The following PAX3 variants were observed in gnomAD, a reference collection of about 807,000 sequenced individuals.
The protein encoded by PAX3 is paired box 3, also known as paired box protein Pax-3.
In PAX3, 14 loss-of-function variants were observed where a neutral mutation model predicts 51.6. The ratio of observed to expected loss-of-function variants is 0.27; its 90% CI spans 0.18 to 0.42. PAX3 has a LOEUF of 0.42. Ranked by LOEUF, PAX3 falls within the 10% of genes least tolerant of loss-of-function variation. The probability of loss-of-function intolerance (pLI) is 1.00; values close to 1 mark genes in which losing one functional copy is unlikely to be tolerated. For missense variants in PAX3, 540 were observed against 642.8 expected, an observed-to-expected ratio of 0.84 and a Z score of 1.73; for synonymous variants, 280 against 253.4, an observed-to-expected ratio of 1.11 and a Z score of -1.00.
intron 4 of PAX3, among the ~76,000 whole-genome samples, chr2:222,284,617 G>A (rs1278194184): frequency 1.3e-3 from 4 of 3,034 alleles, no homozygotes; most frequent in African/African-American, 5.8e-3. Context: ...GTGTGCGTGT[G>A]TGTGTGTGTG....
intron 4 of PAX3, among the ~76,000 whole-genome samples, chr2:222,241,392 G>C (rs1323628572): frequency 6.6e-6 from 1 of 152,180 alleles, no homozygotes; most frequent in Non-Finnish European, 1.5e-5. Context: ...AGGAAGAAGA[G>C]ACAAATGAAC....
At chr2:222,223,396 C>T (rs1692271824) in intron 5 of PAX3, among the ~76,000 whole-genome samples, 1 of 152,146 alleles carries the variant, frequency 6.6e-6, no homozygotes, top group East Asian at 1.9e-4. Flanking sequence ...GGTAATAGAA[C>T]CATGAACAGC....
intron 5 of PAX3, among the ~76,000 whole-genome samples, chr2:222,222,720 G>A (rs1692244116): frequency 6.6e-6 from 1 of 152,084 alleles, no homozygotes; most frequent in African/African-American, 2.4e-5. Flanking sequence ...CACTGTGTTT[G>A]GGGTTGGAAG....
intron 4 of PAX3, among the ~76,000 whole-genome samples, chr2:222,272,015 T>C (rs916597813): frequency 3.9e-5 from 6 of 152,190 alleles, no homozygotes; most frequent in Non-Finnish European, 8.8e-5. Context: ...GGTTTCACTT[T>C]CTTCGCGTCA....
At chr2:222,281,996 T>C (rs1694663543) in intron 4 of PAX3, among the ~76,000 whole-genome samples, 1 of 152,206 alleles carries the variant, frequency 6.6e-6, no homozygotes, top group South Asian at 2.1e-4. Flanking sequence ...TCCTGCACAT[T>C]CCGGGCCTGG....
At chr2:222,205,130 G>C (rs1053401200) in intron 7 of PAX3, among the ~76,000 whole-genome samples, 2 of 152,100 alleles carry the variant, frequency 1.3e-5, no homozygotes, top group Non-Finnish European at 2.9e-5. Flanking sequence ...TTTGGCAGTC[G>C]CTGCGTTAGA....
In PAX3 at chr2:222,220,928, C is replaced by T. The variant is rs13353354; in HGVS notation, c.958+294G>A. Among the ~76,000 whole-genome samples, 4,715 of 152,142 alleles carry T rather than the reference C, an allele frequency of 0.031. 217 individuals are homozygous for T. Among genetic ancestry groups the T allele is most frequent in the African/African-American group, 0.1 (4,251 of 41,490 alleles). ...CAGTTAGTTGCAAACTGGAGTAAAA[C>T]GTAGAGGTAAAATTTTAACAAAAGA... On this transcript the variant is annotated intron_variant, in intron 6 of 8. Coordinates refer to ENST00000392070, the MANE Select transcript of PAX3 (RefSeq NM_181458.4).
intron 7 of PAX3, among the ~76,000 whole-genome samples, chr2:222,217,705 A>C (rs1235246813): frequency 6.6e-6 from 1 of 152,238 alleles, no homozygotes; most frequent in Non-Finnish European, 1.5e-5. Context: ...ATAGGTCACA[A>C]GCCTTTCTCT....
chr2:222,271,264 C>A (rs17344688), intron 4 of PAX3, among the ~76,000 whole-genome samples: 15,049 of 152,048 alleles, frequency 0.099, 807 homozygotes, highest in South Asian at 0.16. Context: ...ACCTGGGCAG[C>A]CTGATGTCCT....
At chr2:222,291,445 T>C (rs1438513759) in intron 4 of PAX3, among the ~76,000 whole-genome samples, 6 of 152,200 alleles carry the variant, frequency 3.9e-5, no homozygotes, top group Admixed American at 3.9e-4. Flanking sequence ...GGCTCAGCTC[T>C]TGAATTGAGC....
chr2:222,298,377 G>C (rs1001105278), intron 1 of PAX3, 154 bp downstream of exon 1: 5 of 641,012 alleles, frequency 7.8e-6, no homozygotes, highest in Non-Finnish European at 1.4e-5. Flanking sequence ...AAATCGAGTA[G>C]GTCCTCGCCC....
At chr2:222,281,972 A>T (rs572103328) in intron 4 of PAX3, among the ~76,000 whole-genome samples, 3 of 152,356 alleles carry the variant, frequency 2.0e-5, no homozygotes, top group African/African-American at 7.2e-5. Flanking sequence ...CTCCTGCCTT[A>T]CTGGCACACT....
chr2:222,238,458 T>C (rs1271970255), intron 4 of PAX3, among the ~76,000 whole-genome samples: 1 of 152,178 alleles, frequency 6.6e-6, no homozygotes, highest in African/African-American at 2.4e-5. Context: ...AGAAACAAAA[T>C]AATTCACAAG....
At position 222,218,172 on chromosome 2, in the gene PAX3, G is replaced by GA. The variant is rs1692039185; in HGVS notation, c.1173+1967dup. On this transcript the variant is annotated intron_variant, in intron 7 of 8. Coordinates refer to ENST00000392070, the MANE Select transcript of PAX3 (RefSeq NM_181458.4). ...TGTAAGATATAGTAAAGAAATACAG[G>GA]AAAAATGCCTATGGAATTTTCCGTT... Among the ~76,000 whole-genome samples the GA allele has an allele frequency of 2.0e-5, 3 of 152,212 alleles. No individual in the cohort carries two copies. In the South Asian group the frequency reaches 6.2e-4, roughly 32 times the overall value.
intron 4 of PAX3, among the ~76,000 whole-genome samples, chr2:222,280,635 C>G (rs62186069): frequency 2.6e-5 from 4 of 151,996 alleles, no homozygotes; most frequent in African/African-American, 9.7e-5. Context: ...CCCACTTATC[C>G]ATTGGTTTTA....
chr2:222,293,698 A>G, intron 4 of PAX3: 1 of 1,614,198 alleles, frequency 6.2e-7, no homozygotes, highest in African/African-American at 1.3e-5. Context: ...CCGTTGCCCA[A>G]AAGAGTACTC....
chr2:222,210,304 C>T (rs1691675856), intron 7 of PAX3, among the ~76,000 whole-genome samples: 1 of 152,128 alleles, frequency 6.6e-6, no homozygotes, highest in African/African-American at 2.4e-5. Flanking sequence ...CCCTTATGTT[C>T]CAAAACTTTT....
rs1692626920 is a variant in PAX3, at chr2:222,232,298, G to T, written c.587-15C>A. 1 of 1,604,962 alleles carries T rather than the reference G, an allele frequency of 6.2e-7. No individual in the cohort carries two copies. The highest frequency in any genetic ancestry group is 1.3e-5 in the African/African-American group (1 of 74,614). On this transcript the variant is annotated splice_polypyrimidine_tract_variant and intron_variant, in intron 4 of 8. Transcript: ENST00000392070. ...GGGTGCTGAGGCTAAAAGCACAGAA[G>T]AACAAAACATCATAAAATGTGAATC...
intron 3 of PAX3, 71 bp from the exon 4 acceptor site, chr2:222,294,372 C>A (rs1334914538): frequency 6.4e-7 from 1 of 1,557,226 alleles, no homozygotes; most frequent in South Asian, 1.1e-5. Flanking sequence ...GCGGGAAGGA[C>A]CCCCCACCCC....
Sources: gnomAD v4.1 joint callset for allele counts (sites outside exome capture counted in the v4.1 genomes callset) on GRCh38, gnomAD v4.1.1 for gene constraint, MANE v1.5 for transcripts, NCBI Gene and HGNC (gene_info 2026-07-23, HGNC 2026-07-21) for gene names.